Variants in EIF2AK3 observed in about 807,000 individuals in gnomAD.
The protein encoded by EIF2AK3 is eukaryotic translation initiation factor 2 alpha kinase 3, also known as eukaryotic translation initiation factor 2-alpha kinase 3.
Under a neutral mutation model 113.5 loss-of-function variants are expected in EIF2AK3, and 50 were observed. That is an observed-to-expected ratio of 0.44 (90% CI 0.35 to 0.56). The LOEUF is 0.56. Among genes scored for constraint, EIF2AK3 ranks in the 20% least tolerant of loss-of-function variants. EIF2AK3 has a pLI of 0.00. For missense variants in EIF2AK3, 1,185 were observed against 1,378.0 expected, an observed-to-expected ratio of 0.86 and a Z score of 2.22; for synonymous variants, 448 against 495.4, an observed-to-expected ratio of 0.90 and a Z score of 1.27.
chr2:88,592,688 G>A (rs1171977152), intron 4 of EIF2AK3, among the ~76,000 whole-genome samples: 5 of 151,370 alleles, frequency 3.3e-5, no homozygotes, highest in African/African-American at 1.2e-4. Flanking sequence ...GCTTGAACCC[G>A]GGAGGCAGCT....
intron 14 of EIF2AK3, among the ~76,000 whole-genome samples, chr2:88,565,263 T>C (rs1395715783): frequency 2.0e-5 from 3 of 151,788 alleles, no homozygotes; most frequent in African/African-American, 7.3e-5. Flanking sequence ...CTCGAACTCC[T>C]GACCTCAGAT....
In EIF2AK3 at chr2:88,571,014, C is replaced by T; in HGVS notation, c.2845G>A (p.Asp949Asn). The T allele has an allele frequency of 6.2e-7, 1 of 1,614,138 alleles. No individual in the cohort carries two copies. Among genetic ancestry groups the T allele is most frequent in the Non-Finnish European group, 8.5e-7 (1 of 1,180,016 alleles). Residue 949 changes from aspartate (D) to asparagine (N), a missense_variant, in exon 14 of 17, where the codon GAT becomes AAT. This residue lies in a region of EIF2AK3 where 877 missense variants were observed against 1,024.2 expected (regional missense o/e 0.86). Coordinates refer to ENST00000303236, the MANE Select transcript of EIF2AK3 (RefSeq NM_004836.7). ...KPSNIFFTMD[D>N]VVKVGDFGLV... is the part of the protein sequence containing the mutation. The stretch of plus-strand genomic sequence containing the variant: ...CCAAAGTCTCCAACCTTGACCACAT[C>T]ATCCATTGTAAAGAATATGTTGGAT...
At position 88,576,601 on chromosome 2, in the gene EIF2AK3, TGGTGGTGCTTCGAGCCA is replaced by T; in HGVS notation, c.1972_1988del (p.Trp658ArgfsTer9). The stretch of plus-strand genomic sequence containing the variant: ...CATCCATCTTTTCTTGCCACTTCTC[TGGTGGTGCTTCGAGCCA>T]GGCATTGAAATATCTAACAATGCCC... On this transcript the variant is annotated frameshift_variant, in exon 12 of 17. Coordinates refer to ENST00000303236, the MANE Select transcript of EIF2AK3 (RefSeq NM_004836.7). LOFTEE classifies it high-confidence loss of function. The T allele has an allele frequency of 6.2e-7, 1 of 1,614,212 alleles. No individual in the cohort carries two copies. The highest frequency in any genetic ancestry group is 8.5e-7 in the Non-Finnish European group (1 of 1,180,026).
At chr2:88,567,802 A>G (rs556599269) in intron 14 of EIF2AK3, among the ~76,000 whole-genome samples, 19 of 152,286 alleles carry the variant, frequency 1.2e-4, no homozygotes, top group African/African-American at 3.4e-4. Context: ...CACTGCCCCC[A>G]TAGCCATTTG....
intron 2 of EIF2AK3, among the ~76,000 whole-genome samples, chr2:88,601,103 C>A (rs539702922): frequency 2.0e-4 from 30 of 152,156 alleles, no homozygotes; most frequent in Non-Finnish European, 2.6e-4. Flanking sequence ...AAAATTTCTC[C>A]TATTATCTCA....
Position 88,585,916 on chromosome 2 carries a change from T to C in EIF2AK3, c.1575A>G (p.Ile525Met). ...PVLLLHWWKE[I>M]VATILFCIIA... is the part of the protein sequence containing the mutation. ...TGATACAAAACAAAATCGTTGCAAC[T>C]ATTTCTTTCCACCAGTGTAAAAGAA... Residue 525 changes from isoleucine (I) to methionine (M), a missense_variant, in exon 9 of 17, where the codon ATA (isoleucine) becomes ATG (methionine). Transcript: ENST00000303236. The C allele has an allele frequency of 6.2e-7, 1 of 1,614,164 alleles. No individual in the cohort carries two copies. The highest frequency in any genetic ancestry group is 8.5e-7 in the Non-Finnish European group (1 of 1,179,996).
At chr2:88,579,459 C>T in intron 11 of EIF2AK3, 59 bp downstream of exon 11, 3 of 1,601,644 alleles carry the variant, frequency 1.9e-6, no homozygotes, top group Non-Finnish European at 2.6e-6. Context: ...GGATATTTTA[C>T]CCATGAGATT....
intron 10 of EIF2AK3, among the ~76,000 whole-genome samples, chr2:88,581,721 T>C (rs925851330): frequency 6.6e-6 from 1 of 152,218 alleles, no homozygotes; most frequent in African/African-American, 2.4e-5. Context: ...GTCACTGATA[T>C]ATTAGTATTT....
chr2:88,624,623 C>G (rs10171986), intron 1 of EIF2AK3: 1 of 152,206 alleles, frequency 6.6e-6, no homozygotes, highest in African/African-American at 2.4e-5. Context: ...TTTCCCACAG[C>G]TTCACCTATT....
At chr2:88,578,673 C>T (rs1329936506) in intron 11 of EIF2AK3, among the ~76,000 whole-genome samples, 2 of 150,140 alleles carry the variant, frequency 1.3e-5, no homozygotes, top group Non-Finnish European at 3.0e-5. Flanking sequence ...CGGTGCAAGA[C>T]CCTGTCTCAA....
In EIF2AK3 at chr2:88,593,259, T is replaced by G. The variant is rs1674929394; in HGVS notation, c.767+13A>C. ...CTAAATAATACCAACAGCAACATTA[T>G]CTGAATACACACTTCTCATTGCCAC... is the stretch of plus-strand genomic sequence containing the variant. On this transcript the variant is annotated intron_variant, in intron 4 of 16. Coordinates refer to ENST00000303236, the MANE Select transcript of EIF2AK3 (RefSeq NM_004836.7). The G allele has an allele frequency of 9.9e-6, 16 of 1,613,918 alleles. No homozygotes were observed. Among genetic ancestry groups the G allele is most frequent in the Non-Finnish European group, 1.3e-5 (15 of 1,179,948 alleles).
At chr2:88,581,087 T>G (rs1674588059) in intron 10 of EIF2AK3, among the ~76,000 whole-genome samples, 1 of 152,104 alleles carries the variant, frequency 6.6e-6, no homozygotes, top group Non-Finnish European at 1.5e-5. Flanking sequence ...TTGCCTAAGT[T>G]GTCAGCTGAT....
In EIF2AK3 at chr2:88,613,845, AC is replaced by A; in HGVS notation, c.316del (p.Val106Ter). Reference protein sequence around the residue: ...TELRPRGRSLVIISTLDGRIA... With the variant: ...TELRPRGRSLXIISTLDGRIA... Reference sequence around the variant, plus strand: ...TCTCCCATCTAAAGTGCTGATAATTACTAATGACCTGTAAATATTAAAAATA... The same window carrying A: ...TCTCCCATCTAAAGTGCTGATAATTATAATGACCTGTAAATATTAAAAATA... On this transcript the variant is annotated frameshift_variant, in exon 2 of 17. Transcript: ENST00000303236. LOFTEE classifies it high-confidence loss of function. The A allele has an allele frequency of 6.2e-7, 1 of 1,612,394 alleles. No individual in the cohort carries two copies. Among genetic ancestry groups the A allele is most frequent in the Non-Finnish European group, 8.5e-7 (1 of 1,178,400 alleles).
rs1674404968 is a variant in EIF2AK3, at chr2:88,574,652, C to T, written c.2817+14G>A. On this transcript the variant is annotated intron_variant, in intron 13 of 16. Transcript: ENST00000303236. Reference sequence around the variant, plus strand: ...AGATTGAAACCCCAAGGGTGATGCTCCACAAATACAGACCTTGAGGTCCCT... The same window carrying T: ...AGATTGAAACCCCAAGGGTGATGCTTCACAAATACAGACCTTGAGGTCCCT... The T allele has an allele frequency of 1.1e-5, 18 of 1,613,722 alleles. No homozygotes were observed. Among genetic ancestry groups the T allele is most frequent in the Non-Finnish European group, 1.4e-5 (17 of 1,179,870 alleles).
chr2:88,615,827 T>C (rs1244336098), intron 1 of EIF2AK3, among the ~76,000 whole-genome samples: 1 of 152,160 alleles, frequency 6.6e-6, no homozygotes, highest in Non-Finnish European at 1.5e-5. Flanking sequence ...TTCCTCTCCT[T>C]CTATGTTGAA....
intron 1 of EIF2AK3, among the ~76,000 whole-genome samples, chr2:88,625,627 C>T (rs551904751): frequency 1.8e-4 from 27 of 152,360 alleles, no homozygotes; most frequent in African/African-American, 6.5e-4. Context: ...AAGGCAGGAA[C>T]TACCTGCCTA....
chr2:88,579,716 T>C, intron 10 of EIF2AK3, 76 bp from the exon 11 acceptor site: 4 of 1,356,238 alleles, frequency 2.9e-6, no homozygotes, highest in Non-Finnish European at 4.1e-6. Flanking sequence ...CAGTTCAATC[T>C]TATGACACAT....
At position 88,627,352 on chromosome 2, in the gene EIF2AK3, A is replaced by C; in HGVS notation, c.-78T>G. ...CTCCCGCCGCTTGGAGCTCCCAAGA[A>C]GGCAAGGACGTGCTAGGGACCCTAC... is the stretch of plus-strand genomic sequence containing the variant. On this transcript the variant is annotated 5_prime_UTR_variant, in exon 1 of 17. Coordinates refer to ENST00000303236, the MANE Select transcript of EIF2AK3 (RefSeq NM_004836.7). The C allele has an allele frequency of 1.4e-6, 2 of 1,393,766 alleles. No individual in the cohort carries two copies. Among genetic ancestry groups the C allele is most frequent in the South Asian group, 2.9e-5 (2 of 68,068 alleles). 86.3% of individuals were successfully genotyped at this position (1,393,766 alleles called of 1,614,324 possible). A position where few individuals can be genotyped will look rare whatever the true frequency, so the allele number is the denominator to read the frequency against.
intron 2 of EIF2AK3, among the ~76,000 whole-genome samples, chr2:88,605,190 T>A (rs996315443): frequency 6.6e-6 from 1 of 152,192 alleles, no homozygotes; most frequent in African/African-American, 2.4e-5. Flanking sequence ...TGTATACTTA[T>A]GAAAGAAAAA....
Sources: gnomAD v4.1 joint callset for allele counts (sites outside exome capture counted in the v4.1 genomes callset) on GRCh38, gnomAD v4.1.1 for gene constraint, gnomAD v4.1.1 regional missense constraint, MANE v1.5 for transcripts, NCBI Gene and HGNC (gene_info 2026-07-23, HGNC 2026-07-21) for gene names.